The following GSDMD variants were observed in gnomAD, a reference collection of about 807,000 sequenced individuals.
GSDMD encodes the protein gasdermin-D.
In GSDMD, 46 loss-of-function variants were observed where a neutral mutation model predicts 46.7. The ratio of observed to expected loss-of-function variants is 0.99; its 90% CI spans 0.78 to 1.26. The LOEUF (loss-of-function observed/expected upper bound fraction) is 1.26. Ranked by LOEUF, GSDMD falls within the 50% of genes most tolerant of loss-of-function variation. The pLI, the probability that GSDMD is intolerant of heterozygous loss-of-function variation, is 0.00. For missense variants in GSDMD, 649 were observed against 638.8 expected (o/e 1.02, Z -0.17); for synonymous variants, 307 against 283.1 (o/e 1.08, Z -0.85).
Position 143,562,006 on chromosome 8 carries a change from C to A in GSDMD, c.871C>A (p.Arg291=). The change falls in exon 8 of 11, where the codon CGG becomes AGG. Residue 291 remains arginine (R), a synonymous_variant. Coordinates refer to ENST00000262580, the MANE Select transcript of GSDMD (RefSeq NM_024736.7). The part of the protein sequence containing the change: ...GAFTEDFQGL[R]AEVETISKEL... ...GTTCACTGAAGACTTCCAGGGCCTACGGGCAGAGGTGGAGACCATCTCCAA... is the reference window on the plus strand; with the variant it reads ...GTTCACTGAAGACTTCCAGGGCCTAAGGGCAGAGGTGGAGACCATCTCCAA... 5 of 1,605,266 alleles carry A rather than the reference C, an allele frequency of 3.1e-6. No homozygotes were observed. Among genetic ancestry groups the A allele is most frequent in the Non-Finnish European group, 4.2e-6 (5 of 1,178,450 alleles).
upstream of GSDMD, chr8:143,555,165 C>T (rs956962215): frequency 1.3e-4 from 20 of 152,274 alleles, no homozygotes; most frequent in African/African-American, 3.4e-4. Context: ...GCTGCTAGAA[C>T]CCAGGATCGC....
intron 1 of GSDMD, 47 bp downstream of exon 1, chr8:143,558,498 G>A: frequency 1.4e-6 from 2 of 1,408,908 alleles, no homozygotes; most frequent in East Asian, 3.0e-5. Context: ...GAGCTCCCGA[G>A]TGGGGCCGGC....
In GSDMD at chr8:143,559,422, G is replaced by A. The variant is rs1191602961; in HGVS notation, c.87G>A (p.Gln29=). Residue 29 remains glutamine, a synonymous_variant, in exon 2 of 11, where the codon CAG becomes CAA. Coordinates refer to ENST00000262580, the MANE Select transcript of GSDMD (RefSeq NM_024736.7). The stretch of plus-strand genomic sequence containing the variant: ...AGTTCATCCCTGTGACCAGCCTGCA[G>A]AGCTCCACTGGCTTCCAGCCCTACT... ...GGEFIPVTSL[Q]SSTGFQPYCL... 2 of 1,612,954 alleles carry A rather than the reference G, an allele frequency of 1.2e-6. No individual in the cohort carries two copies. The highest frequency in any genetic ancestry group is 1.7e-6 in the Non-Finnish European group (2 of 1,179,982).
At position 143,559,904 on chromosome 8, in the gene GSDMD, C is replaced by A; in HGVS notation, c.345C>A (p.Ser115Arg). 6.2e-7 allele frequency: 1 copy of A among 1,612,852 alleles called. No individual in the cohort carries two copies. Among genetic ancestry groups the A allele is most frequent in the Middle Eastern group, 1.6e-4 (1 of 6,062 alleles). Residue 115 changes from serine (S) to arginine (R), a missense_variant, in exon 3 of 11, where the codon AGC becomes AGA. Ser to Arg is a moderately radical substitution (Grantham distance 110). Coordinates refer to ENST00000262580, the MANE Select transcript of GSDMD (RefSeq NM_024736.7). ...AGGAAVSDSSSTSMNVYSLSV... is the reference protein window; with the variant it reads ...AGGAAVSDSSRTSMNVYSLSV... ...GGGCCGCGGTGTCTGACAGCTCCAGCACCTCAATGAATGTGTACTCGCTGA... is the reference window on the plus strand; with the variant it reads ...GGGCCGCGGTGTCTGACAGCTCCAGAACCTCAATGAATGTGTACTCGCTGA...
chr8:143,557,406 C>CTGCCGCTGTGGCGAAGGA (rs1563902853), upstream of GSDMD, among the ~76,000 whole-genome samples: 11 of 107,676 alleles, frequency 1.0e-4, no homozygotes, highest in Admixed American at 5.6e-4. Flanking sequence ...GTGACGACAG[C>CTGCCGCTGTGGCGAAGGA]TGCTGCCGCT....
At position 143,563,059 on chromosome 8, in the gene GSDMD, G is replaced by A. The variant is rs764934174; in HGVS notation, c.*155G>A. ...AACACAATAAAGGTGGCATACGAAGGAAAGGCTGGTAGCAGAGTTTTTGAG... is the reference window on the plus strand; with the variant it reads ...AACACAATAAAGGTGGCATACGAAGAAAAGGCTGGTAGCAGAGTTTTTGAG... On this transcript the variant is annotated 3_prime_UTR_variant, in exon 11 of 11. Transcript: ENST00000262580. 2.5e-6 allele frequency: 2 copies of A among 802,892 alleles called. No homozygotes were observed. Among genetic ancestry groups the A allele is most frequent in the South Asian group, 2.8e-5 (2 of 70,544 alleles). The allele number at this position is 802,892 out of a possible 1,614,324, so 49.7% of individuals were successfully genotyped here. A position where few individuals can be genotyped will look rare whatever the true frequency, so the allele number is the denominator to read the frequency against.
chr8:143,554,480 A>G (rs937340455), upstream of GSDMD, among the ~76,000 whole-genome samples: 1 of 151,438 alleles, frequency 6.6e-6, no homozygotes, highest in Non-Finnish European at 1.5e-5. Flanking sequence ...TGTACACAAC[A>G]CGCACGTGCA....
upstream of GSDMD, chr8:143,553,893 C>G (rs912885775): frequency 4.1e-5 from 6 of 146,784 alleles, 1 homozygote; most frequent in Middle Eastern, 3.5e-3. Context: ...CAGGGGCTGC[C>G]GTGCCTGCCG....
At chr8:143,556,379 A>G (rs1823297014), upstream of GSDMD, among the ~76,000 whole-genome samples, 1 of 152,192 alleles carries the variant, frequency 6.6e-6, no homozygotes, top group African/African-American at 2.4e-5. Flanking sequence ...ACTCAGTCTC[A>G]AAACAAAAAC....
chr8:143,560,581 C>A (rs752168146), intron 3 of GSDMD, 22 bp from the exon 4 acceptor site: 13 of 1,559,548 alleles, frequency 8.3e-6, no homozygotes, highest in Non-Finnish European at 1.1e-5. Flanking sequence ...GCCCAGCGAG[C>A]TTTGCTGCTC....
upstream of GSDMD, among the ~76,000 whole-genome samples, chr8:143,557,351 G>A (rs113278824): frequency 6.9e-6 from 1 of 145,446 alleles, no homozygotes; most frequent in African/African-American, 2.8e-5. Context: ...GGATGCTGCC[G>A]CTTTGGCGAA....
chr8:143,559,845 C>G lies in GSDMD; in HGVS notation c.286C>G (p.Leu96Val). The change falls in exon 3 of 11, where the codon CTG becomes GTG. Residue 96 changes from leucine to valine, a missense_variant. Physicochemically the swap from Leu to Val is conservative, Grantham distance 32. Coordinates refer to ENST00000262580, the MANE Select transcript of GSDMD (RefSeq NM_024736.7). ...MDGQIQGSVE[L>V]AAPGQAKIAG... is the part of the protein sequence containing the mutation. ...TGGGCAGATACAGGGCAGCGTGGAG[C>G]TGGCAGCCCCAGGACAGGCAAAGAT... The G allele has an allele frequency of 6.2e-7, 1 of 1,612,582 alleles. No individual in the cohort carries two copies. The highest frequency in any genetic ancestry group is 8.5e-7 in the Non-Finnish European group (1 of 1,179,858).
Position 143,558,438 on chromosome 8 carries a change from C to T in GSDMD, c.-18C>T, listed in dbSNP as rs1232752685. The T allele has an allele frequency of 4.0e-6, 6 of 1,502,954 alleles. No homozygotes were observed. The East Asian group carries it at 8.2e-5, about 21-fold the overall frequency. The allele number at this position is 1,502,954 out of a possible 1,614,324, so 93.1% of individuals were successfully genotyped here. Reference sequence around the variant, plus strand: ...CGCGCCAGACGCGCCACCCTCGGGGCGCCGACGGTCACGGTGAGCTGCGCC... The same window carrying T: ...CGCGCCAGACGCGCCACCCTCGGGGTGCCGACGGTCACGGTGAGCTGCGCC... On this transcript the variant is annotated 5_prime_UTR_variant, in exon 1 of 11. Coordinates refer to ENST00000262580, the MANE Select transcript of GSDMD (RefSeq NM_024736.7).
chr8:143,562,098 G>C lies in GSDMD; in HGVS notation c.963G>C (p.Arg321=). 6.3e-7 allele frequency: 1 copy of C among 1,596,996 alleles called. No individual in the cohort carries two copies. Among genetic ancestry groups the C allele is most frequent in the Non-Finnish European group, 8.5e-7 (1 of 1,177,544 alleles). The change falls in exon 8 of 11, where the codon CGG becomes CGC. Residue 321 remains arginine, a synonymous_variant. Coordinates refer to ENST00000262580, the MANE Select transcript of GSDMD (RefSeq NM_024736.7). ...LLLEGLEGVL[R]DQLALRALEE... ...TGGAGGGCCTGGAGGGGGTGCTGCG[G>C]GACCAGCTGGCCCTGCGAGCCTTGG...
In GSDMD at chr8:143,562,918, A is replaced by G; in HGVS notation, c.*14A>G. On this transcript the variant is annotated 3_prime_UTR_variant, in exon 11 of 11. Coordinates refer to ENST00000262580, the MANE Select transcript of GSDMD (RefSeq NM_024736.7). ...GAGCCCCACTAGCCTGTGCCCGGGC[A>G]TGGCCTGGCAGCTCTCCAGCAGGGC... The G allele has an allele frequency of 6.2e-7, 1 of 1,611,708 alleles. No homozygotes were observed. Among genetic ancestry groups the G allele is most frequent in the African/African-American group, 1.3e-5 (1 of 75,034 alleles).
At position 143,559,641 on chromosome 8, in the gene GSDMD, G is replaced by T. The variant is rs1054047662; in HGVS notation, c.217+89G>T. 1.7e-5 allele frequency: 24 copies of T among 1,453,840 alleles called. No homozygotes were observed. The African/African-American group carries it at 3.2e-4, about 20-fold the overall frequency. The allele number at this position is 1,453,840 out of a possible 1,614,324, so 90.1% of individuals were successfully genotyped here. On this transcript the variant is annotated intron_variant, in intron 2 of 10. Coordinates refer to ENST00000262580, the MANE Select transcript of GSDMD (RefSeq NM_024736.7). ...GGCCAACCATCCACTGGGCTCTGCA[G>T]CCTCTAGCTCTGGGCCTCTCTTCCA...
rs750383151 is a variant in GSDMD at position 143,562,866 on chromosome 8, C to T, written c.1417C>T (p.Leu473=). The change falls in exon 11 of 11, where the codon CTG becomes TTG. Residue 473 remains leucine, a synonymous_variant. Coordinates refer to ENST00000262580, the MANE Select transcript of GSDMD (RefSeq NM_024736.7). ...QGRMCALYAS[L]ALLSGLSQEP... ...CCGCATGTGTGCACTCTACGCCTCC[C>T]TGGCACTGCTATCAGGACTGAGCCA... The T allele has an allele frequency of 1.2e-6, 2 of 1,612,286 alleles. No homozygotes were observed. The highest frequency in any genetic ancestry group is 8.5e-7 in the Non-Finnish European group (1 of 1,179,970).
chr8:143,561,440 C>T lies in GSDMD; in HGVS notation c.736+17C>T. The T allele has an allele frequency of 6.2e-7, 1 of 1,608,578 alleles. No individual in the cohort carries two copies. On this transcript the variant is annotated intron_variant, in intron 6 of 10. Transcript: ENST00000262580. ...CCGCGACAGGTGAGAGCCGAGAGCC[C>T]CCAGCATGGGGTGTCCGGTGGGAAA...
chr8:143,559,398 G>C lies in GSDMD; in HGVS notation c.63G>C (p.Glu21Asp). ...TCCAGGAGCTGGACCATGGTGGGGAGTTCATCCCTGTGACCAGCCTGCAGA... is the reference window on the plus strand; with the variant it reads ...TCCAGGAGCTGGACCATGGTGGGGACTTCATCCCTGTGACCAGCCTGCAGA... Reference protein sequence around the residue: ...RVVQELDHGGEFIPVTSLQSS... With the variant: ...RVVQELDHGGDFIPVTSLQSS... Residue 21 changes from glutamate (E) to aspartate (D), a missense_variant, in exon 2 of 11, where the codon GAG becomes GAC. Glu to Asp is a conservative substitution (Grantham distance 45, BLOSUM62 2). Transcript: ENST00000262580. 1.9e-6 allele frequency: 3 copies of C among 1,612,958 alleles called. No individual in the cohort carries two copies. The highest frequency in any genetic ancestry group is 2.5e-6 in the Non-Finnish European group (3 of 1,179,990).
Sources: gnomAD v4.1 joint callset for allele counts (sites outside exome capture counted in the v4.1 genomes callset) on GRCh38, gnomAD v4.1.1 for gene constraint, MANE v1.5 for transcripts, NCBI Gene and HGNC (gene_info 2026-07-23, HGNC 2026-07-21) for gene names.